Variants in CLDND1 observed in about 807,000 individuals in gnomAD.
The protein encoded by CLDND1 is claudin domain containing 1.
A neutral mutation model predicts 26.3 loss-of-function variants in CLDND1; 13 were observed. That is an observed-to-expected ratio of 0.49 (90% CI 0.32 to 0.78). The LOEUF (loss-of-function observed/expected upper bound fraction) is 0.78, where lower values mean the gene tolerates loss of function less well. Ranked by LOEUF, CLDND1 falls within the 30% of genes least tolerant of loss-of-function variation. The pLI is 0.03. For synonymous variants in CLDND1, 107 were observed against 107.0 expected (o/e 1.00, Z 0.00); for missense variants, 289 against 312.8 (o/e 0.92, Z 0.57).
At chr3:98,516,901 C>T in intron 4 of CLDND1, 22 bp from the exon 5 acceptor site, 1 of 1,613,246 alleles carries the variant, frequency 6.2e-7, no homozygotes, top group Non-Finnish European at 8.5e-7. Context: ...ATTTAGAAAA[C>T]AAAACAAAAC....
At position 98,519,015 on chromosome 3, in the gene CLDND1, CTGT is replaced by C. The variant is rs755979897; in HGVS notation, c.293-23_293-21del. ...ATGACTCTGGAACAAGAACAATTGCCTGTTGTTTTAATTATAAACATTTAACAA... is the reference window on the plus strand; with the variant it reads ...ATGACTCTGGAACAAGAACAATTGCCTGTTTTAATTATAAACATTTAACAA... On this transcript the variant is annotated intron_variant, in intron 2 of 4. Coordinates refer to ENST00000341181, the MANE Select transcript of CLDND1 (RefSeq NM_001040181.2). The C allele has an allele frequency of 2.3e-5, 31 of 1,343,786 alleles. No individual in the cohort carries two copies. In the East Asian group the frequency reaches 6.2e-4, roughly 27 times the overall value. The allele number at this position is 1,343,786 out of a possible 1,614,324, so 83.2% of individuals were successfully genotyped here. A position where few individuals can be genotyped will look rare whatever the true frequency, so the allele number is the denominator to read the frequency against.
rs771509244 is a variant in CLDND1, at chr3:98,521,383, C to T, written c.42G>A (p.Val14=). 2 of 1,614,186 alleles carry T rather than the reference C, an allele frequency of 1.2e-6. No individual in the cohort carries two copies. The highest frequency in any genetic ancestry group is 2.2e-5 in the South Asian group (2 of 91,086). ...RFATAFVIAC[V]LSLISTIYMA... ...TGTAGATGGTGGAAATGAGGCTAAG[C>T]ACACAAGCAATTACAAATGCTGTAG... Residue 14 remains valine (V), a synonymous_variant, in exon 2 of 5, where the codon GTG becomes GTA. Transcript: ENST00000341181.
rs556447963 is a variant in CLDND1 at position 98,522,672 on chromosome 3, C to CA, written c.-19+176dup. On this transcript the variant is annotated intron_variant, in intron 1 of 4. Coordinates refer to ENST00000341181, the MANE Select transcript of CLDND1 (RefSeq NM_001040181.2). Reference sequence around the variant, plus strand: ...GGGGCAGCCGTGCTCGGCCCCGGGCCAGGGTCCCCCGGTACCCGACCAGGC... The same window carrying CA: ...GGGGCAGCCGTGCTCGGCCCCGGGCCAAGGGTCCCCCGGTACCCGACCAGGC... 24 of 1,439,636 alleles carry CA rather than the reference C, an allele frequency of 1.7e-5. No individual in the cohort carries two copies. In the South Asian group the frequency reaches 3.5e-4, roughly 21 times the overall value. 89.2% of individuals were successfully genotyped at this position (1,439,636 alleles called of 1,614,324 possible).
intron 3 of CLDND1, 78 bp from the exon 4 acceptor site, chr3:98,517,267 T>A: frequency 6.7e-7 from 1 of 1,492,810 alleles, no homozygotes; most frequent in Non-Finnish European, 9.1e-7. Flanking sequence ...TTCTTTCATA[T>A]TCTAATTAGA....
At chr3:98,517,239 T>C (rs764929504) in intron 3 of CLDND1, 50 bp from the exon 4 acceptor site, 18 of 1,585,274 alleles carry the variant, frequency 1.1e-5, no homozygotes, top group Non-Finnish European at 1.5e-5. Context: ...TTCAGACCAT[T>C]TTCCCCGCAA....
At position 98,521,228 on chromosome 3, in the gene CLDND1, T is replaced by C. The variant is rs754278234; in HGVS notation, c.197A>G (p.Asp66Gly). The C allele has an allele frequency of 2.5e-6, 4 of 1,614,206 alleles. No homozygotes were observed. The highest frequency in any genetic ancestry group is 1.1e-5 in the South Asian group (1 of 91,086). Residue 66 changes from aspartate (D) to glycine (G), a missense_variant, in exon 2 of 5, where the codon GAT (aspartate) becomes GGT (glycine). Coordinates refer to ENST00000341181, the MANE Select transcript of CLDND1 (RefSeq NM_001040181.2). Reference protein sequence around the residue: ...SDEADEKTYNDALFRYNGTVG... With the variant: ...SDEADEKTYNGALFRYNGTVG... ...TGTGCCATTGTATCGAAAAAGTGCA[T>C]CATTATAAGTCTTTTCATCTGCCTC... is the stretch of plus-strand genomic sequence containing the variant.
At chr3:98,522,588 G>A (rs879430054) in intron 1 of CLDND1, 6 of 1,373,962 alleles carry the variant, frequency 4.4e-6, no homozygotes, top group South Asian at 1.7e-5. Flanking sequence ...CAAGCCGGAC[G>A]CCTGCAGCAG....
chr3:98,522,639 G>A (rs919736185), intron 1 of CLDND1: 2 of 1,408,862 alleles, frequency 1.4e-6, no homozygotes, highest in Non-Finnish European at 1.8e-6. Flanking sequence ...GAAGGCCAGG[G>A]CTGGGGCGGG....
chr3:98,517,369 A>T (rs1436391345), intron 3 of CLDND1, 180 bp from the exon 4 acceptor site: 2 of 680,134 alleles, frequency 2.9e-6, no homozygotes, highest in Admixed American at 6.3e-5. Context: ...TCCTGATAAA[A>T]GTAAAAGGAC....
rs908682076 is a variant in CLDND1 at position 98,520,889 on chromosome 3, A to G, written c.292+244T>C. 1.9e-5 allele frequency: 8 copies of G among 411,716 alleles called. No individual in the cohort carries two copies. The Admixed American group carries it at 3.2e-4, about 16-fold the overall frequency. 25.5% of individuals were successfully genotyped at this position (411,716 alleles called of 1,614,324 possible). ...TATTTTAATGAGTGAGTAAATAAGA[A>G]AAAAAAAAGCCATTAAGGCTTTCCC... On this transcript the variant is annotated intron_variant, in intron 2 of 4. Transcript: ENST00000341181.
Position 98,521,306 on chromosome 3 carries a change from T to C in CLDND1, c.119A>G (p.Gln40Arg). Reference sequence around the variant, plus strand: ...TTTATTCAAATCACTGGAATTTTCTTGAACTGGACTTCGATATTCATACCA... The same window carrying C: ...TTTATTCAAATCACTGGAATTTTCTCGAACTGGACTTCGATATTCATACCA... ...DFWYEYRSPV[Q>R]ENSSDLNKSI... Residue 40 changes from glutamine (Q) to arginine (R), a missense_variant, in exon 2 of 5, where the codon CAA (glutamine) becomes CGA (arginine). By Grantham distance (43) the Gln-to-Arg change is conservative. Transcript: ENST00000341181. 1 of 1,614,214 alleles carries C rather than the reference T, an allele frequency of 6.2e-7. No individual in the cohort carries two copies. Among genetic ancestry groups the C allele is most frequent in the Admixed American group, 1.7e-5 (1 of 60,032 alleles).
chr3:98,522,497 T>G, intron 1 of CLDND1: 1 of 1,181,426 alleles, frequency 8.5e-7, no homozygotes, highest in African/African-American at 1.6e-5. Context: ...ATTTGTATTT[T>G]GATTTTTTAA....
Position 98,519,119 on chromosome 3 carries a change from CCTGA to C in CLDND1, c.293-128_293-125del, listed in dbSNP as rs1440415149. ...CAGAGGGGTCAGCAACTTCTCTGGC[CCTGA>C]CTGACACACAGGTTTCATAGATGTC... On this transcript the variant is annotated intron_variant, in intron 2 of 4. Coordinates refer to ENST00000341181, the MANE Select transcript of CLDND1 (RefSeq NM_001040181.2). 4.9e-6 allele frequency: 3 copies of C among 610,998 alleles called. No homozygotes were observed. In the African/African-American group the frequency reaches 5.6e-5, roughly 11 times the overall value. The allele number at this position is 610,998 out of a possible 1,614,324, so 37.8% of individuals were successfully genotyped here.
rs1158632833 is a variant in CLDND1 at position 98,517,120 on chromosome 3, C to G, written c.473G>C (p.Gly158Ala). ...GCTTCGGCAAATGCAAGCACAAAGT[C>G]CGATCAAAGCCCCAAAGCACATCAA... ...LGLMCFGALI[G>A]LCACICRSLY... The change falls in exon 4 of 5, where the codon GGA becomes GCA. Residue 158 changes from glycine to alanine, a missense_variant. By Grantham distance (60) the Gly-to-Ala change is moderately conservative. Transcript: ENST00000341181. 5 of 1,613,972 alleles carry G rather than the reference C, an allele frequency of 3.1e-6. No homozygotes were observed. The highest frequency in any genetic ancestry group is 1.1e-5 in the South Asian group (1 of 91,088).
chr3:98,521,400 A>C lies in CLDND1; in HGVS notation c.25T>G (p.Phe9Val). 1 of 1,614,164 alleles carries C rather than the reference A, an allele frequency of 6.2e-7. No homozygotes were observed. The highest frequency in any genetic ancestry group is 8.5e-7 in the Non-Finnish European group (1 of 1,180,016). ...AGGCTAAGCACACAAGCAATTACAA[A>C]TGCTGTAGCAAAACGGTTATCCATT... MDNRFATA[F>V]VIACVLSLIS... The change falls in exon 2 of 5, where the codon TTT becomes GTT. Residue 9 changes from phenylalanine (F) to valine (V), a missense_variant. By Grantham distance (50) the Phe-to-Val change is conservative. Coordinates refer to ENST00000341181, the MANE Select transcript of CLDND1 (RefSeq NM_001040181.2).
At chr3:98,517,690 G>A (rs1255474022) in intron 3 of CLDND1, among the ~76,000 whole-genome samples, 1 of 152,160 alleles carries the variant, frequency 6.6e-6, no homozygotes, top group Admixed American at 6.5e-5. Flanking sequence ...CTAATATTAT[G>A]CCATTTTATA....
chr3:98,516,437 CTAGAT>C lies in CLDND1; in HGVS notation c.*217_*221del, dbSNP rs1706140736. Reference sequence around the variant, plus strand: ...TCTATCCATTTCTTTCTGTCTAGACCTAGATTAGTTTATTTGAAAGATGGCATCGC... The same window carrying C: ...TCTATCCATTTCTTTCTGTCTAGACCTAGTTTATTTGAAAGATGGCATCGC... On this transcript the variant is annotated 3_prime_UTR_variant, in exon 5 of 5. Transcript: ENST00000341181. The C allele has an allele frequency of 4.5e-5, 59 of 1,325,136 alleles. No individual in the cohort carries two copies. Among genetic ancestry groups the C allele is most frequent in the Non-Finnish European group, 5.5e-5 (57 of 1,040,782 alleles). The allele number at this position is 1,325,136 out of a possible 1,614,324, so 82.1% of individuals were successfully genotyped here. A position where few individuals can be genotyped will look rare whatever the true frequency, so the allele number is the denominator to read the frequency against.
At chr3:98,519,231 G>A (rs1242416120) in intron 2 of CLDND1, among the ~76,000 whole-genome samples, 3 of 152,134 alleles carry the variant, frequency 2.0e-5, no homozygotes, top group Non-Finnish European at 2.9e-5. Context: ...TAAAATGAAT[G>A]GCAGAATAGC....
At chr3:98,522,504 T>A (rs1706466399) in intron 1 of CLDND1, 9 of 1,194,766 alleles carry the variant, frequency 7.5e-6, no homozygotes, top group Non-Finnish European at 9.4e-6. Flanking sequence ...TTTTGATTTT[T>A]TAAAAATCCC....
Sources: gnomAD v4.1 joint callset for allele counts (sites outside exome capture counted in the v4.1 genomes callset) on GRCh38, gnomAD v4.1.1 for gene constraint, MANE v1.5 for transcripts, NCBI Gene and HGNC (gene_info 2026-07-23, HGNC 2026-07-21) for gene names.